PDE4D: variants seen among roughly 807,000 people sequenced by gnomAD.
PDE4D encodes the protein phosphodiesterase 4D, also known as 3',5'-cyclic-AMP phosphodiesterase 4D.
PDE4D carries 24 observed loss-of-function variants against 87.4 expected under a neutral mutation model. The observed-to-expected ratio is 0.27, with a 90% CI of 0.20 to 0.39. The LOEUF (loss-of-function observed/expected upper bound fraction) is 0.39. PDE4D is among the 10% of genes least tolerant of loss of function. The probability of loss-of-function intolerance (pLI) is 1.00; values close to 1 mark genes in which losing one functional copy is unlikely to be tolerated. For synonymous variants in PDE4D, 384 were observed against 383.2 expected (o/e 1.00, Z -0.02); for missense variants, 714 against 1,041.0 (o/e 0.69, Z 4.32).
At chr5:59,263,580 A>AT (rs1249672322) in intron 1 of PDE4D, among the ~76,000 whole-genome samples, 1 of 151,958 alleles carries the variant, frequency 6.6e-6, no homozygotes, top group Non-Finnish European at 1.5e-5. Context: ...AGAAAATCTG[A>AT]TTTTTACCCT....
chr5:59,729,097 C>A (rs190799072), intron 1 of PDE4D, among the ~76,000 whole-genome samples: 8 of 152,108 alleles, frequency 5.3e-5, no homozygotes, highest in Admixed American at 1.3e-4. Flanking sequence ...GACATCCTAT[C>A]TTTAGAGAAT....
chr5:59,705,487 G>T lies in PDE4D; in HGVS notation c.455+187681C>A, dbSNP rs980858933. ...TCTCACTTTTCATGGACCATTGAAG[G>T]CTGTTTCTTACCAAATTGAATTCTT... On this transcript the variant is annotated intron_variant, in intron 1 of 14. Coordinates refer to ENST00000340635, the MANE Select transcript of PDE4D (RefSeq NM_001104631.2). Among the ~76,000 whole-genome samples the T allele has an allele frequency of 7.2e-5, 11 of 152,236 alleles. No homozygotes were observed. The South Asian group carries it at 8.3e-4, about 11-fold the overall frequency.
intron 5 of PDE4D, among the ~76,000 whole-genome samples, chr5:59,062,531 T>A (rs1763275389): frequency 6.6e-6 from 1 of 152,068 alleles, no homozygotes; most frequent in Non-Finnish European, 1.5e-5. Context: ...GTCCTTGTTC[T>A]TGGGAGGAAT....
At chr5:60,424,172 C>T (rs1743420620) in intron 1 of PDE4D, among the ~76,000 whole-genome samples, 1 of 152,204 alleles carries the variant, frequency 6.6e-6, no homozygotes, top group African/African-American at 2.4e-5. Context: ...AGGGAATCCT[C>T]CCTAACTCAT....
In PDE4D at chr5:59,930,039, G is replaced by C. The variant is rs374308636; in HGVS notation, c.272+58449C>G. 4.7e-4 allele frequency among the ~76,000 whole-genome samples: 72 copies of C among 152,088 alleles called. No homozygotes were observed. The South Asian group carries it at 0.014, about 30-fold the overall frequency. ...GGATTAAAAATCGGCCCCATCGCCT[G>C]TAGTCCCAGCTACTCGGGAGGCTGA... On this transcript the variant is annotated intron_variant, in intron 3 of 16. Transcript: ENST00000502484.
chr5:59,427,004 C>T (rs1795337251), intron 1 of PDE4D, among the ~76,000 whole-genome samples: 1 of 13,784 alleles, frequency 7.3e-5, no homozygotes, highest in East Asian at 6.1e-4. Context: ...GCTATACACA[C>T]ACACACACAC....
chr5:59,177,062 G>A (rs752070415), intron 5 of PDE4D, among the ~76,000 whole-genome samples: 5 of 152,044 alleles, frequency 3.3e-5, no homozygotes, highest in Non-Finnish European at 5.9e-5. Flanking sequence ...CCCTTGTTAC[G>A]GAATGAGTGC....
chr5:60,454,887 C>G (rs143410891), intron 1 of PDE4D, among the ~76,000 whole-genome samples: 2 of 151,018 alleles, frequency 1.3e-5, no homozygotes, highest in African/African-American at 4.9e-5. Context: ...CATACATGAG[C>G]GGGGAGTGTA....
intron 6 of PDE4D, among the ~76,000 whole-genome samples, chr5:59,016,076 A>G (rs896394961): frequency 6.6e-5 from 10 of 152,148 alleles, no homozygotes; most frequent in African/African-American, 2.4e-4. Context: ...GAATTGAACA[A>G]TGAGAACACT....
chr5:60,335,723 T>G (rs1757699260), intron 1 of PDE4D, among the ~76,000 whole-genome samples: 1 of 152,090 alleles, frequency 6.6e-6, no homozygotes, highest in African/African-American at 2.4e-5. Context: ...CTAGTGTTTG[T>G]GTAAGTCTTT....
At chr5:60,200,732 A>G (rs1741801160) in intron 1 of PDE4D, among the ~76,000 whole-genome samples, 1 of 152,194 alleles carries the variant, frequency 6.6e-6, no homozygotes, top group Admixed American at 6.5e-5. Context: ...GAGAAATGCC[A>G]TCAATTTAGG....
intron 1 of PDE4D, among the ~76,000 whole-genome samples, chr5:60,319,553 G>T (rs867334000): frequency 1.1e-4 from 16 of 152,228 alleles, no homozygotes; most frequent in South Asian, 1.0e-3. Flanking sequence ...TGGAGAAGGA[G>T]AGGTGCTCTG....
chr5:59,849,725 G>A (rs1327696262), intron 1 of PDE4D, among the ~76,000 whole-genome samples: 1 of 151,024 alleles, frequency 6.6e-6, no homozygotes, highest in Admixed American at 6.6e-5. Flanking sequence ...ATTTTGTTTT[G>A]TTTTTAAGAG....
chr5:60,359,753 T>A (rs552345278), intron 1 of PDE4D, among the ~76,000 whole-genome samples: 1 of 152,318 alleles, frequency 6.6e-6, no homozygotes, highest in African/African-American at 2.4e-5. Flanking sequence ...TTGCACACTA[T>A]CTGTGCATTA....
intron 1 of PDE4D, among the ~76,000 whole-genome samples, chr5:60,221,084 G>A (rs1467269776): frequency 6.6e-6 from 1 of 151,968 alleles, no homozygotes; most frequent in Non-Finnish European, 1.5e-5. Flanking sequence ...GTCTTACAAT[G>A]GAATATAACA....
chr5:60,513,933 T>C (rs1221913617), intron 1 of PDE4D, among the ~76,000 whole-genome samples: 1 of 150,718 alleles, frequency 6.6e-6, no homozygotes, highest in Non-Finnish European at 1.5e-5. Flanking sequence ...ATTATAATTA[T>C]ATAAGAACAG....
chr5:58,986,442 G>A (rs868578672), intron 11 of PDE4D, among the ~76,000 whole-genome samples: 7 of 117,178 alleles, frequency 6.0e-5, no homozygotes, highest in African/African-American at 1.9e-4. Context: ...GACCAATATC[G>A]GTCCGTGGCC....
intron 1 of PDE4D, among the ~76,000 whole-genome samples, chr5:60,451,678 T>A (rs111547787): frequency 2.0e-5 from 3 of 152,092 alleles, no homozygotes; most frequent in Non-Finnish European, 4.4e-5. Context: ...GAAGTTTGAA[T>A]GGAGTTGAGA....
rs571883409 is a variant in PDE4D, at chr5:60,082,908, C to T, written c.43-94191G>A. On this transcript the variant is annotated intron_variant, in intron 2 of 16. Coordinates refer to the PDE4D transcript ENST00000502484. The stretch of plus-strand genomic sequence containing the variant: ...TTCTTTCTCCCACCTTGACTGACAC[C>T]TTCTGATTTCTCAGGTCATAGCTAA... Among the ~76,000 whole-genome samples, 3 of 152,298 alleles carry T rather than the reference C, an allele frequency of 2.0e-5. No individual in the cohort carries two copies. The South Asian group carries it at 6.2e-4, about 32-fold the overall frequency.
Sources: gnomAD v4.1 joint callset for allele counts (sites outside exome capture counted in the v4.1 genomes callset) on GRCh38, gnomAD v4.1.1 for gene constraint, MANE v1.5 for transcripts, NCBI Gene and HGNC (gene_info 2026-07-23, HGNC 2026-07-21) for gene names.